Variants in ENTHD1 observed in about 807,000 individuals in gnomAD.
ENTHD1 encodes ENTH domain containing 1, also known as ENTH domain-containing protein 1.
Under a neutral mutation model 39.1 loss-of-function variants are expected in ENTHD1, and 23 were observed. The ratio of observed to expected loss-of-function variants is 0.59; its 90% CI spans 0.42 to 0.83. The LOEUF (loss-of-function observed/expected upper bound fraction) is 0.83, where lower values mean the gene tolerates loss of function less well. ENTHD1 is among the 40% of genes least tolerant of loss of function. The pLI is 0.00. For missense variants in ENTHD1, 624 were observed against 705.4 expected (o/e 0.88, Z 1.31); for synonymous variants, 230 against 258.2 (o/e 0.89, Z 1.05).
intron 3 of ENTHD1, among the ~76,000 whole-genome samples, chr22:39,839,075 G>A (rs1019490129): frequency 6.6e-6 from 1 of 151,538 alleles, no homozygotes; most frequent in Non-Finnish European, 1.5e-5. Context: ...TATTTACAAC[G>A]TGCCAGAATT....
intron 1 of ENTHD1, among the ~76,000 whole-genome samples, chr22:39,891,625 A>AT (rs908640069): frequency 7.3e-4 from 105 of 143,472 alleles, no homozygotes; most frequent in Middle Eastern, 3.6e-3. Flanking sequence ...AAAAAATTTT[A>AT]TTTTTTTTTT....
rs898292210 is a variant in ENTHD1 at position 39,752,186 on chromosome 22, A to C, written c.1220-7903T>G. On this transcript the variant is annotated intron_variant, in intron 6 of 6. Coordinates refer to ENST00000325157, the MANE Select transcript of ENTHD1 (RefSeq NM_152512.4). ...TATACTATATTCTATTTTTCTATCT[A>C]TCTGTATCTATATATATCTTGTTAC... Among the ~76,000 whole-genome samples the C allele has an allele frequency of 2.0e-5, 3 of 152,174 alleles. No homozygotes were observed. The East Asian group carries it at 5.8e-4, about 29-fold the overall frequency.
At chr22:39,788,297 A>G (rs2065475629) in intron 5 of ENTHD1, among the ~76,000 whole-genome samples, 1 of 152,222 alleles carries the variant, frequency 6.6e-6, no homozygotes, top group South Asian at 2.1e-4. Flanking sequence ...ATCAATATTA[A>G]CAGGAGTTTG....
chr22:39,873,241 T>C (rs1358186158), intron 2 of ENTHD1, among the ~76,000 whole-genome samples: 1 of 152,214 alleles, frequency 6.6e-6, no homozygotes, highest in Non-Finnish European at 1.5e-5. Context: ...TAAAATTAAT[T>C]GCAGTTTCAT....
At chr22:39,807,008 GC>G (rs1334916567) in intron 5 of ENTHD1, among the ~76,000 whole-genome samples, 1 of 152,170 alleles carries the variant, frequency 6.6e-6, no homozygotes, top group Non-Finnish European at 1.5e-5. Flanking sequence ...AGGTGAGGCT[GC>G]AGGGGTGAGC....
intron 3 of ENTHD1, among the ~76,000 whole-genome samples, chr22:39,847,285 C>T (rs1306449928): frequency 1.4e-5 from 2 of 147,612 alleles, no homozygotes; most frequent in Non-Finnish European, 3.0e-5. Flanking sequence ...AAACCAAACA[C>T]CGCATGTTCT....
intron 6 of ENTHD1, among the ~76,000 whole-genome samples, chr22:39,748,438 T>C (rs958218877): frequency 6.6e-6 from 1 of 152,076 alleles, no homozygotes; most frequent in African/African-American, 2.4e-5. Context: ...TTTTTTTTTT[T>C]TGAGACGGAG....
chr22:39,841,967 A>G (rs1295357435), intron 3 of ENTHD1, among the ~76,000 whole-genome samples: 3 of 151,198 alleles, frequency 2.0e-5, no homozygotes, highest in Non-Finnish European at 4.4e-5. Context: ...GCTTGTCTGT[A>G]AAGTATTTTA....
intron 5 of ENTHD1, among the ~76,000 whole-genome samples, chr22:39,777,400 G>T (rs184171474): frequency 1.3e-5 from 2 of 151,322 alleles, no homozygotes; most frequent in Admixed American, 6.6e-5. Context: ...GATTGTGTGC[G>T]TGTGTGTGTG....
intron 5 of ENTHD1, among the ~76,000 whole-genome samples, chr22:39,807,677 C>T (rs1359547482): frequency 6.6e-6 from 1 of 152,100 alleles, no homozygotes; most frequent in South Asian, 2.1e-4. Flanking sequence ...GCTCATTCTG[C>T]GTAGTAGGCA....
chr22:39,749,552 G>T (rs1369415631), intron 6 of ENTHD1, among the ~76,000 whole-genome samples: 1 of 152,212 alleles, frequency 6.6e-6, no homozygotes, highest in African/African-American at 2.4e-5. Flanking sequence ...ATGAGCTAGA[G>T]ATATAAATCT....
At chr22:39,744,319 A>C (rs765680600) in intron 6 of ENTHD1, 36 bp from the exon 7 acceptor site, 1 of 1,536,026 alleles carries the variant, frequency 6.5e-7, no homozygotes, top group Non-Finnish European at 8.7e-7. Context: ...AGATTTATGC[A>C]ACATACAAAT....
rs570664347 is a variant in ENTHD1, at chr22:39,760,980, C to T, written c.1219+4243G>A. 5.0e-3 allele frequency among the ~76,000 whole-genome samples: 766 copies of T among 152,060 alleles called. 7 individuals are homozygous for T. Among genetic ancestry groups the T allele is most frequent in the Middle Eastern group, 0.02 (6 of 294 alleles). On this transcript the variant is annotated intron_variant, in intron 6 of 6. Transcript: ENST00000325157. Reference sequence around the variant, plus strand: ...ATAAGTTTTGCTTTAGTTACATGTACTTTTTAATTAGAAGAAAAATATGCA... The same window carrying T: ...ATAAGTTTTGCTTTAGTTACATGTATTTTTTAATTAGAAGAAAAATATGCA...
At chr22:39,800,857 C>G (rs1290229592) in intron 5 of ENTHD1, among the ~76,000 whole-genome samples, 4 of 152,184 alleles carry the variant, frequency 2.6e-5, no homozygotes, top group Non-Finnish European at 5.9e-5. Context: ...TTGAGGTTGT[C>G]TAGTCCACCA....
intron 2 of ENTHD1, among the ~76,000 whole-genome samples, chr22:39,866,419 C>T (rs530946673): frequency 1.3e-5 from 2 of 152,318 alleles, no homozygotes; most frequent in Non-Finnish European, 1.5e-5. Context: ...AGCCAATAAT[C>T]ATAAACAAGA....
At chr22:39,796,798 G>A (rs1485446561) in intron 5 of ENTHD1, among the ~76,000 whole-genome samples, 5 of 152,170 alleles carry the variant, frequency 3.3e-5, no homozygotes, top group African/African-American at 1.2e-4. Context: ...CCTATTATCT[G>A]TTCTAAAGAA....
intron 5 of ENTHD1, among the ~76,000 whole-genome samples, chr22:39,810,051 C>T (rs1300912832): frequency 2.0e-5 from 3 of 152,156 alleles, no homozygotes; most frequent in African/African-American, 7.2e-5. Flanking sequence ...TTCATGGCCT[C>T]TTATCCAGCT....
At chr22:39,795,178 G>C (rs2065537898) in intron 5 of ENTHD1, among the ~76,000 whole-genome samples, 2 of 152,078 alleles carry the variant, frequency 1.3e-5, no homozygotes, top group African/African-American at 2.4e-5. Context: ...ATTTTGTTGA[G>C]GATTTTTACA....
At position 39,752,081 on chromosome 22, in the gene ENTHD1, T is replaced by C. The variant is rs553541380; in HGVS notation, c.1220-7798A>G. The stretch of plus-strand genomic sequence containing the variant: ...TCTCTCTCTCTCTCTCTATAGAAGA[T>C]AGACAGATCTCTATAGAAGAGAGAG... On this transcript the variant is annotated intron_variant, in intron 6 of 6. Transcript: ENST00000325157. Among the ~76,000 whole-genome samples the C allele has an allele frequency of 6.6e-5, 10 of 152,184 alleles. 1 individual carries two copies. In the South Asian group the frequency reaches 2.1e-3, roughly 32 times the overall value.
Sources: gnomAD v4.1 joint callset for allele counts (sites outside exome capture counted in the v4.1 genomes callset) on GRCh38, gnomAD v4.1.1 for gene constraint, MANE v1.5 for transcripts, NCBI Gene and HGNC (gene_info 2026-07-23, HGNC 2026-07-21) for gene names.